CLYBL: variants seen among roughly 807,000 people sequenced by gnomAD.
CLYBL encodes citramalyl-CoA lyase, mitochondrial.
In CLYBL, 31 loss-of-function variants were observed where a neutral mutation model predicts 38.9. The observed-to-expected ratio is 0.80, with a 90% CI of 0.60 to 1.08. The LOEUF is 1.08. Among genes scored for constraint, CLYBL ranks in the 50% least tolerant of loss-of-function variants. The pLI is 0.00. For missense variants in CLYBL, 434 were observed against 411.6 expected (o/e 1.05, Z -0.47); for synonymous variants, 171 against 158.6 (o/e 1.08, Z -0.59).
intron 1 of CLYBL, among the ~76,000 whole-genome samples, chr13:99,691,342 GAC>G (rs1320911883): frequency 2.6e-5 from 4 of 151,948 alleles, no homozygotes; most frequent in Admixed American, 1.3e-4. Context: ...CTAATTTTTA[GAC>G]ACAAGTCTTT....
At chr13:99,840,845 G>C (rs1431039629) in intron 2 of CLYBL, among the ~76,000 whole-genome samples, 1 of 143,520 alleles carries the variant, frequency 7.0e-6, no homozygotes, top group Non-Finnish European at 1.5e-5. Context: ...TAGTTAAACA[G>C]TACCAAGGTA....
intron 2 of CLYBL, among the ~76,000 whole-genome samples, chr13:99,848,754 G>A (rs1049988081): frequency 6.6e-6 from 1 of 152,232 alleles, no homozygotes; most frequent in African/African-American, 2.4e-5. Context: ...CCCCTCTGAG[G>A]CTGTGAAAAC....
intron 1 of CLYBL, among the ~76,000 whole-genome samples, chr13:99,620,230 T>C (rs1028769270): frequency 1.3e-5 from 2 of 152,202 alleles, no homozygotes; most frequent in African/African-American, 2.4e-5. Flanking sequence ...TTTAGTCTGA[T>C]TTTGACTCAG....
chr13:99,838,689 G>A (rs2050995766), intron 2 of CLYBL, among the ~76,000 whole-genome samples: 1 of 152,160 alleles, frequency 6.6e-6, no homozygotes, highest in Non-Finnish European at 1.5e-5. Flanking sequence ...AGGCTGGAGT[G>A]CAGTGGCGCA....
At chr13:99,860,801 C>T (rs949617235) in intron 3 of CLYBL, among the ~76,000 whole-genome samples, 2 of 152,386 alleles carry the variant, frequency 1.3e-5, no homozygotes, top group South Asian at 4.1e-4. Context: ...AACCCAGAGC[C>T]TGATGCACAA....
chr13:99,770,530 G>T (rs775100330), intron 1 of CLYBL, among the ~76,000 whole-genome samples: 1 of 152,098 alleles, frequency 6.6e-6, no homozygotes. Flanking sequence ...TGTTAGCGAG[G>T]ATATTCTGGA....
At chr13:99,721,487 T>TTTTATTACACTTTATTACAC in intron 1 of CLYBL, among the ~76,000 whole-genome samples, 1 of 150,752 alleles carries the variant, frequency 6.6e-6, no homozygotes, top group South Asian at 2.1e-4. Flanking sequence ...ATATATATAT[T>TTTTATTACACTTTATTACAC]TTTATTACAC....
At chr13:99,628,996 C>T (rs2046907068) in intron 1 of CLYBL, among the ~76,000 whole-genome samples, 1 of 152,218 alleles carries the variant, frequency 6.6e-6, no homozygotes, top group Admixed American at 6.5e-5. Flanking sequence ...GTGTTTTCAC[C>T]TTGAAACAGC....
At chr13:99,633,464 G>A (rs2046976793) in intron 1 of CLYBL, among the ~76,000 whole-genome samples, 1 of 151,446 alleles carries the variant, frequency 6.6e-6, no homozygotes. Context: ...GAGCCTGGGA[G>A]GTGGAGGTTG....
intron 1 of CLYBL, 62 bp downstream of exon 1, chr13:99,606,819 G>T (rs2046531799): frequency 1.5e-6 from 2 of 1,313,022 alleles, no homozygotes; most frequent in African/African-American, 3.1e-5. Context: ...GGCTCCTGTT[G>T]CAGCCCCGCG....
At chr13:99,833,030 ATTTTTTTTTTTTTTTTT>A (rs869061868) in intron 2 of CLYBL, among the ~76,000 whole-genome samples, 1 of 35,870 alleles carries the variant, frequency 2.8e-5, no homozygotes, top group Non-Finnish European at 4.4e-5. Context: ...ATATATATAT[ATTTTTTTTTTTTTTTTT>A]TTTTTTTTTT....
At position 99,885,366 on chromosome 13, in the gene CLYBL, C is replaced by T. The variant is rs148138040; in HGVS notation, c.928-5952C>T. On this transcript the variant is annotated intron_variant, in intron 7 of 8. Coordinates refer to ENST00000339105, the MANE Select transcript of CLYBL (RefSeq NM_206808.5). ...AACAGGGCATGCGGCAGAGCTGCAG[C>T]GTGGTGTGTGTTGGGGTACAGGCCT... is the stretch of plus-strand genomic sequence containing the variant. Among the ~76,000 whole-genome samples, 458 of 152,096 alleles carry T rather than the reference C, an allele frequency of 3.0e-3. 2 individuals carry two copies. Among genetic ancestry groups the T allele is most frequent in the African/African-American group, 9.3e-3 (387 of 41,486 alleles).
intron 1 of CLYBL, among the ~76,000 whole-genome samples, chr13:99,692,277 G>GTTTTTTTTTTTTTTTTTTTTTTTTTTTT (rs113949110): frequency 8.2e-6 from 1 of 121,866 alleles, no homozygotes. Context: ...GTTCACATTT[G>GTTTTTTTTTTTTTTTTTTTTTTTTTTTT]TTTTTTTTGT....
chr13:99,798,638 A>G (rs1301893567), intron 2 of CLYBL, among the ~76,000 whole-genome samples: 1 of 152,150 alleles, frequency 6.6e-6, no homozygotes, highest in Non-Finnish European at 1.5e-5. Flanking sequence ...TTTCCCCTTA[A>G]TCCTTACCGT....
chr13:99,875,722 C>T (rs2052021848), intron 7 of CLYBL, among the ~76,000 whole-genome samples: 1 of 152,168 alleles, frequency 6.6e-6, no homozygotes, highest in South Asian at 2.1e-4. Context: ...GTGTATCCTC[C>T]CACACCCATC....
intron 1 of CLYBL, among the ~76,000 whole-genome samples, chr13:99,762,540 A>T (rs1247636691): frequency 2.0e-5 from 3 of 152,154 alleles, no homozygotes; most frequent in Non-Finnish European, 2.9e-5. Context: ...GTCTGTTTTT[A>T]TGCGGGTACC....
intron 1 of CLYBL, among the ~76,000 whole-genome samples, chr13:99,761,441 T>C (rs960002479): frequency 2.0e-5 from 3 of 152,378 alleles, no homozygotes; most frequent in East Asian, 1.9e-4. Context: ...TGTCTTTCAG[T>C]GCTTGGCTTA....
Position 99,869,656 on chromosome 13 carries a change from A to G in CLYBL, c.803-1282A>G, listed in dbSNP as rs904195432. Among the ~76,000 whole-genome samples, 1 of 152,172 alleles carries G rather than the reference A, an allele frequency of 6.6e-6. No homozygotes were observed. The highest frequency in any genetic ancestry group is 1.9e-4 in the East Asian group (1 of 5,206). On this transcript the variant is annotated intron_variant, in intron 6 of 8. Transcript: ENST00000339105. This position sits in a 1 kb window ranked among gnomAD's most constrained non-coding sequence, Gnocchi z 4.3. Reference sequence around the variant, plus strand: ...TATTTATCCACTTAAACTCTTTTACATGAAACACTAAAAATATGTTTTTAC... The same window carrying G: ...TATTTATCCACTTAAACTCTTTTACGTGAAACACTAAAAATATGTTTTTAC...
intron 2 of CLYBL, among the ~76,000 whole-genome samples, chr13:99,818,446 A>C (rs1000133325): frequency 7.0e-6 from 1 of 143,220 alleles, no homozygotes; most frequent in South Asian, 2.2e-4. Flanking sequence ...TGGAGCAGAA[A>C]ACACACACAC....
Sources: allele counts gnomAD v4.1 joint callset (sites outside exome capture counted in the v4.1 genomes callset), GRCh38; gene constraint gnomAD v4.1.1; non-coding constraint Gnocchi (gnomAD v3.1); transcripts MANE v1.5; gene names NCBI Gene and HGNC (gene_info 2026-07-23, HGNC 2026-07-21).